Variants in NR5A1 observed in about 807,000 individuals in gnomAD.
NR5A1 encodes steroidogenic factor 1.
A neutral mutation model predicts 42.7 loss-of-function variants in NR5A1; 6 were observed. That is an observed-to-expected ratio of 0.14 (90% CI 0.08 to 0.28). The LOEUF (loss-of-function observed/expected upper bound fraction) is 0.28, where lower values mean the gene tolerates loss of function less well. NR5A1 is among the 10% of genes least tolerant of loss of function. The pLI is 1.00. For missense variants in NR5A1, 442 were observed against 626.4 expected, an observed-to-expected ratio of 0.71 and a Z score of 3.14; for synonymous variants, 274 against 277.5, an observed-to-expected ratio of 0.99 and a Z score of 0.12.
In NR5A1 at chr9:124,500,321, G is replaced by A. The variant is rs202111164; in HGVS notation, c.639C>T (p.Tyr213=). ...TGGGCCCTCCAGAGAAGGGCTCTGGGTAGCCGTACGGCAGCCCAGGCTGTG... is the reference window on the plus strand; with the variant it reads ...TGGGCCCTCCAGAGAAGGGCTCTGGATAGCCGTACGGCAGCCCAGGCTGTG... ...SPPQPGLPYG[Y]PEPFSGGPNV... Residue 213 remains tyrosine, a synonymous_variant, in exon 4 of 7, where the codon TAC becomes TAT. Transcript: ENST00000373588. The surrounding 1 kb of genome is among the most constrained non-coding windows in gnomAD (Gnocchi z 6.9). The A allele has an allele frequency of 6.4e-7, 1 of 1,558,848 alleles. No homozygotes were observed. The highest frequency in any genetic ancestry group is 1.9e-5 in the Admixed American group (1 of 51,766).
chr9:124,491,232 G>C lies in NR5A1; in HGVS notation c.991-4C>G, dbSNP rs748104476. The stretch of plus-strand genomic sequence containing the variant: ...TGGCCACTGTGGTCAGCTCCACCTG[G>C]GGGCAGAGGGCACGGGGCGGGGGAC... On this transcript the variant is annotated splice_region_variant and splice_polypyrimidine_tract_variant and intron_variant, in intron 5 of 6. Coordinates refer to ENST00000373588, the MANE Select transcript of NR5A1 (RefSeq NM_004959.5). The C allele has an allele frequency of 2.5e-6, 4 of 1,598,436 alleles. No individual in the cohort carries two copies. Among genetic ancestry groups the C allele is most frequent in the Non-Finnish European group, 3.4e-6 (4 of 1,171,602 alleles).
In NR5A1 at chr9:124,503,070, G is replaced by A. The variant is rs560455095; in HGVS notation, c.244+9C>T. On this transcript the variant is annotated intron_variant, in intron 3 of 6. Transcript: ENST00000373588. This position sits in a 1 kb window ranked among gnomAD's most constrained non-coding sequence, Gnocchi z 9.6. Reference sequence around the variant, plus strand: ...GGGGGTCAGGGGTCGAGGCCCGCGCGGCGCGCACCTTCCAGGCGCATCCCC... The same window carrying A: ...GGGGGTCAGGGGTCGAGGCCCGCGCAGCGCGCACCTTCCAGGCGCATCCCC... 3.8e-6 allele frequency: 6 copies of A among 1,566,448 alleles called. 1 individual carries two copies. The East Asian group carries it at 7.0e-5, about 18-fold the overall frequency.
rs547750826 is a variant in NR5A1, at chr9:124,498,541, G to A, written c.870+1549C>T. On this transcript the variant is annotated intron_variant, in intron 4 of 6. Transcript: ENST00000373588. The surrounding 1 kb of genome is among the most constrained non-coding windows in gnomAD (Gnocchi z 4.6). ...TCAATCCAGGGTTCTGGAAGGCCGG[G>A]AATGCCCTGCTCCTCCTCCCCTCTG... 2.0e-5 allele frequency among the ~76,000 whole-genome samples: 3 copies of A among 152,224 alleles called. No individual in the cohort carries two copies. Among genetic ancestry groups the A allele is most frequent in the Non-Finnish European group, 2.9e-5 (2 of 68,042 alleles).
chr9:124,494,119 C>A (rs950440291), intron 4 of NR5A1, among the ~76,000 whole-genome samples: 1 of 152,230 alleles, frequency 6.6e-6, no homozygotes, highest in African/African-American at 2.4e-5. Flanking sequence ...CCCCATCCCT[C>A]TCAGCCCGTG....
chr9:124,503,277 G>A lies in NR5A1; in HGVS notation c.102+17C>T, dbSNP rs899768367. Reference sequence around the variant, plus strand: ...AGCGCCCGTCTGCCGCACCCCTGCCGCGCGCTCGCCGCTCACCTTGCAGCT... The same window carrying A: ...AGCGCCCGTCTGCCGCACCCCTGCCACGCGCTCGCCGCTCACCTTGCAGCT... On this transcript the variant is annotated intron_variant, in intron 2 of 6. Coordinates refer to ENST00000373588, the MANE Select transcript of NR5A1 (RefSeq NM_004959.5). This position sits in a 1 kb window ranked among gnomAD's most constrained non-coding sequence, Gnocchi z 9.6. 6.2e-6 allele frequency: 10 copies of A among 1,607,594 alleles called. No homozygotes were observed. The highest frequency in any genetic ancestry group is 1.7e-5 in the Admixed American group (1 of 59,482).
At position 124,491,015 on chromosome 9, in the gene NR5A1, T is replaced by TCGGGCC; in HGVS notation, c.1138+65_1138+66insGGCCCG. The TCGGGCC allele has an allele frequency of 8.7e-5, 55 of 634,816 alleles. 1 individual carries two copies. The highest frequency in any genetic ancestry group is 1.3e-4 in the Non-Finnish European group (49 of 363,624). The allele number at this position is 634,816 out of a possible 1,614,324, so 39.3% of individuals were successfully genotyped here. A position where few individuals can be genotyped will look rare whatever the true frequency, so the allele number is the denominator to read the frequency against. ...CCACAGCAGGGCTACCTCTCCAGCC[T>TCGGGCC]CACCCACCCTCCCACCCACCCGCCT... is the stretch of plus-strand genomic sequence containing the variant. On this transcript the variant is annotated intron_variant, in intron 6 of 6. Coordinates refer to ENST00000373588, the MANE Select transcript of NR5A1 (RefSeq NM_004959.5).
intron 6 of NR5A1, among the ~76,000 whole-genome samples, chr9:124,489,497 C>T (rs1439095815): frequency 1.3e-5 from 2 of 152,242 alleles, no homozygotes; most frequent in Non-Finnish European, 2.9e-5. Context: ...CATGCCAGCA[C>T]GCACGCATGC....
intron 1 of NR5A1, among the ~76,000 whole-genome samples, chr9:124,506,646 T>C (rs1832564973): frequency 6.6e-6 from 1 of 152,044 alleles, no homozygotes; most frequent in Admixed American, 6.5e-5. Context: ...TCCAATCCCC[T>C]CTCCCCAAGG....
At position 124,493,018 on chromosome 9, in the gene NR5A1, G is replaced by C. The variant is rs760054421; in HGVS notation, c.990+12C>G. ...GGGCGGGGCCCAGGGGCGGGGCCGA[G>C]GGACTGGTCACCTCCTGCCCGGTGA... On this transcript the variant is annotated intron_variant, in intron 5 of 6. Coordinates refer to ENST00000373588, the MANE Select transcript of NR5A1 (RefSeq NM_004959.5). 1 of 1,581,686 alleles carries C rather than the reference G, an allele frequency of 6.3e-7. No individual in the cohort carries two copies. Among genetic ancestry groups the C allele is most frequent in the African/African-American group, 1.3e-5 (1 of 74,536 alleles).
rs145936761 is a variant in NR5A1 at position 124,503,385 on chromosome 9, G to A, written c.11C>T (p.Ser4Leu). The change falls in exon 2 of 7, where the codon TCG becomes TTG. Residue 4 changes from serine (S) to leucine (L), a missense_variant. Ser to Leu is a moderately radical substitution (Grantham distance 145). Transcript: ENST00000373588. The surrounding 1 kb of genome is among the most constrained non-coding windows in gnomAD (Gnocchi z 9.6). MDY[S>L]YDEDLDELCP... ...CAGCTCGTCCAGGTCCTCGTCGTAC[G>A]AATAGTCCATGCCCGCGGCGTCCGC... 11 of 1,610,008 alleles carry A rather than the reference G, an allele frequency of 6.8e-6. No individual in the cohort carries two copies. In the South Asian group the frequency reaches 8.8e-5, roughly 13 times the overall value.
intron 3 of NR5A1, among the ~76,000 whole-genome samples, chr9:124,502,569 TCC>T (rs1832486638): frequency 6.6e-6 from 1 of 152,190 alleles, no homozygotes; most frequent in African/African-American, 2.4e-5. Context: ...GCTCAAGTGA[TCC>T]TCTTGCCTCA....
At position 124,498,518 on chromosome 9, in the gene NR5A1, A is replaced by C. The variant is rs1588620962; in HGVS notation, c.870+1572T>G. ...AGCCAGAGGAAGTGCCCTGCCCCTC[A>C]ATCCAGGGTTCTGGAAGGCCGGGAA... On this transcript the variant is annotated intron_variant, in intron 4 of 6. Transcript: ENST00000373588. This position sits in a 1 kb window ranked among gnomAD's most constrained non-coding sequence, Gnocchi z 4.6. Among the ~76,000 whole-genome samples, 1 of 152,268 alleles carries C rather than the reference A, an allele frequency of 6.6e-6. No individual in the cohort carries two copies. The highest frequency in any genetic ancestry group is 1.9e-4 in the East Asian group (1 of 5,172).
At position 124,505,948 on chromosome 9, in the gene NR5A1, G is replaced by A. The variant is rs536036902; in HGVS notation, c.-16+1301C>T. 3.3e-5 allele frequency among the ~76,000 whole-genome samples: 5 copies of A among 150,506 alleles called. No individual in the cohort carries two copies. In the South Asian group the frequency reaches 8.3e-4, roughly 25 times the overall value. On this transcript the variant is annotated intron_variant, in intron 1 of 6. Coordinates refer to ENST00000373588, the MANE Select transcript of NR5A1 (RefSeq NM_004959.5). ...CTTGCATCCTGCCTCCGCCCCCGCT[G>A]GCACCTGGGGTCAGAGAGAGTTTGG...
chr9:124,487,065 C>G (rs542333279), intron 6 of NR5A1, among the ~76,000 whole-genome samples: 3 of 152,228 alleles, frequency 2.0e-5, no homozygotes, highest in East Asian at 1.9e-4. Context: ...CTGCGCCCCC[C>G]AAGCCCGCTC....
intron 4 of NR5A1, among the ~76,000 whole-genome samples, chr9:124,497,275 C>T (rs536580709): frequency 6.6e-6 from 1 of 152,260 alleles, no homozygotes; most frequent in Admixed American, 6.5e-5. Flanking sequence ...AACTGAGGCC[C>T]GGAGGAGTGA....
rs1386616943 is a variant in NR5A1 at position 124,493,104 on chromosome 9, G to A, written c.916C>T (p.Leu306=). 6.2e-7 allele frequency: 1 copy of A among 1,612,252 alleles called. No homozygotes were observed. The highest frequency in any genetic ancestry group is 8.5e-7 in the Non-Finnish European group (1 of 1,179,700). The change falls in exon 5 of 7, where the codon CTG becomes TTG. Residue 306 remains leucine (L), a synonymous_variant. Transcript: ENST00000373588. ...TLLQNCWSEL[L]VFDHIYRQVQ... ...TGGCGGTAGATGTGGTCGAACACCA[G>A]CAGCTCGCTCCAGCAGTTCTGCAGC...
chr9:124,495,660 G>A (rs944746943), intron 4 of NR5A1, among the ~76,000 whole-genome samples: 4 of 152,206 alleles, frequency 2.6e-5, no homozygotes. Context: ...ACACGCTTGC[G>A]CCCAGAACGA....
intron 6 of NR5A1, among the ~76,000 whole-genome samples, chr9:124,487,989 C>T (rs1007234085): frequency 7.9e-5 from 12 of 152,168 alleles, no homozygotes; most frequent in African/African-American, 2.9e-4. Context: ...GTACCAGGCC[C>T]CGGCATTCAA....
chr9:124,485,456 G>A (rs1026832808), intron 6 of NR5A1, among the ~76,000 whole-genome samples: 9 of 152,134 alleles, frequency 5.9e-5, no homozygotes, highest in African/African-American at 2.2e-4. Flanking sequence ...TGAGGCCTGT[G>A]TTGTCCAAAG....
Sources: allele counts gnomAD v4.1 joint callset (sites outside exome capture counted in the v4.1 genomes callset), GRCh38; gene constraint gnomAD v4.1.1; non-coding constraint Gnocchi (gnomAD v3.1); transcripts MANE v1.5; gene names NCBI Gene and HGNC (gene_info 2026-07-23, HGNC 2026-07-21).